Variants in JADE1 observed in about 807,000 individuals in gnomAD.
JADE1 encodes jade family PHD finger 1.
JADE1 carries 14 observed loss-of-function variants against 81.8 expected under a neutral mutation model. The ratio of observed to expected loss-of-function variants is 0.17; its 90% CI spans 0.11 to 0.27. JADE1 has a LOEUF of 0.27. JADE1 is among the 10% of genes least tolerant of loss of function. JADE1 has a pLI of 1.00. For missense variants in JADE1, 690 were observed against 1,047.9 expected (o/e 0.66, Z 4.71); for synonymous variants, 353 against 391.9 (o/e 0.90, Z 1.17).
intron 1 of JADE1, among the ~76,000 whole-genome samples, chr4:128,821,118 A>AC (rs1356717002): frequency 6.6e-6 from 1 of 152,158 alleles, no homozygotes; most frequent in African/African-American, 2.4e-5. Context: ...TGGTTCAGAG[A>AC]CCCCCAAGGC....
chr4:128,847,291 G>A (rs993523623), intron 4 of JADE1, among the ~76,000 whole-genome samples: 4 of 152,222 alleles, frequency 2.6e-5, no homozygotes, highest in African/African-American at 7.2e-5. Context: ...GCTGCTTTGC[G>A]AAATAGTGTC....
intron 8 of JADE1, among the ~76,000 whole-genome samples, chr4:128,860,365 G>T (rs1446839052): frequency 6.6e-6 from 1 of 152,202 alleles, no homozygotes; most frequent in Non-Finnish European, 1.5e-5. Context: ...CTCAGTAAAA[G>T]AGACCTCATA....
At chr4:128,820,793 A>C (rs951506321) in intron 1 of JADE1, among the ~76,000 whole-genome samples, 7 of 152,178 alleles carry the variant, frequency 4.6e-5, no homozygotes, top group Non-Finnish European at 8.8e-5. Context: ...AAAGTTCCTG[A>C]AAAACAGCTG....
At chr4:128,858,847 A>T (rs1731029306) in intron 8 of JADE1, among the ~76,000 whole-genome samples, 1 of 152,054 alleles carries the variant, frequency 6.6e-6, no homozygotes, top group Admixed American at 6.6e-5. Context: ...TGACCTCGTG[A>T]TCCACCCACC....
At chr4:128,820,580 G>T (rs951503535) in intron 1 of JADE1, among the ~76,000 whole-genome samples, 2 of 152,116 alleles carry the variant, frequency 1.3e-5, no homozygotes, top group African/African-American at 4.8e-5. Context: ...TTGTACAATT[G>T]TGATGAAACG....
chr4:128,822,834 CA>C (rs1158820855), intron 1 of JADE1, among the ~76,000 whole-genome samples: 1 of 152,162 alleles, frequency 6.6e-6, no homozygotes, highest in African/African-American at 2.4e-5. Flanking sequence ...CCACTATGAA[CA>C]TTTATATTCT....
intron 1 of JADE1, chr4:128,811,826 GC>G (rs1216544249): frequency 6.6e-6 from 1 of 152,020 alleles, no homozygotes; most frequent in East Asian, 1.9e-4. Flanking sequence ...TCGCCGGATG[GC>G]TTCCTGTGAC....
rs541926421 is a variant in JADE1, at chr4:128,858,689, G to A, written c.981+1235G>A. On this transcript the variant is annotated intron_variant, in intron 8 of 10. Transcript: ENST00000226319. ...ATCATCTCGGCTCACTGCAACCTCC[G>A]CCTCCCGGGTTCAGGCGATTCTCCT... Among the ~76,000 whole-genome samples the A allele has an allele frequency of 3.7e-4, 56 of 149,834 alleles. 1 individual carries two copies. Among genetic ancestry groups the A allele is most frequent in the African/African-American group, 1.2e-3 (49 of 40,622 alleles).
At position 128,862,894 on chromosome 4, in the gene JADE1, CTGTG is replaced by C. The variant is rs3069699; in HGVS notation, c.1503+686_1503+689del. 6.0e-3 allele frequency: 5,740 copies of C among 962,842 alleles called. 236 individuals are homozygous for C. The African/African-American group carries it at 0.094, about 16-fold the overall frequency. 59.6% of individuals were successfully genotyped at this position (962,842 alleles called of 1,614,324 possible). On this transcript the variant is annotated intron_variant, in intron 9 of 10. Transcript: ENST00000226319. ...GTGAGGTGCTAAGTCATCACTGAGG[CTGTG>C]TGTGTGTGTGTGTGTGCGCGTGCCC...
At chr4:128,849,587 T>A (rs1379634096) in intron 5 of JADE1, among the ~76,000 whole-genome samples, 1 of 152,192 alleles carries the variant, frequency 6.6e-6, no homozygotes, top group Non-Finnish European at 1.5e-5. Flanking sequence ...CCAGGCATGC[T>A]CCCCATTTCC....
At chr4:128,867,663 C>A (rs1345794330) in intron 9 of JADE1, among the ~76,000 whole-genome samples, 193 bp from the exon 10 acceptor site, 3 of 152,062 alleles carry the variant, frequency 2.0e-5, no homozygotes, top group Non-Finnish European at 4.4e-5. Context: ...ATGTTGAGGG[C>A]TATATGTGGA....
chr4:128,855,916 C>T (rs1730756796), intron 7 of JADE1, 119 bp downstream of exon 7: 3 of 762,232 alleles, frequency 3.9e-6, no homozygotes, highest in Admixed American at 6.4e-5. Flanking sequence ...ACCTGCTGGG[C>T]TCAAGTGATC....
chr4:128,837,251 G>A (rs776568458), intron 2 of JADE1, among the ~76,000 whole-genome samples: 14 of 152,158 alleles, frequency 9.2e-5, no homozygotes, highest in Admixed American at 3.3e-4. Flanking sequence ...GATAAGGAAT[G>A]GGCAGAAAGG....
intron 9 of JADE1, chr4:128,862,929 C>T: frequency 1.0e-6 from 1 of 986,098 alleles, no homozygotes; most frequent in Admixed American, 6.1e-5. Flanking sequence ...TGCCCGTGTC[C>T]ATCCATGTCT....
Position 128,864,587 on chromosome 4 carries a change from T to C in JADE1, c.1503+2362T>C, listed in dbSNP as rs541914606. ...GTTATTTGTAATTATAAACAGTAAG[T>C]GTATCAGGGCAGGGGTGACAATAAA... is the stretch of plus-strand genomic sequence containing the variant. On this transcript the variant is annotated intron_variant, in intron 9 of 10. Coordinates refer to ENST00000226319, the MANE Select transcript of JADE1 (RefSeq NM_199320.4). 17 of 985,410 alleles carry C rather than the reference T, an allele frequency of 1.7e-5. No individual in the cohort carries two copies. The East Asian group carries it at 1.8e-3, about 105-fold the overall frequency. The allele number at this position is 985,410 out of a possible 1,614,324, so 61.0% of individuals were successfully genotyped here. A position where few individuals can be genotyped will look rare whatever the true frequency, so the allele number is the denominator to read the frequency against.
chr4:128,871,747 G>T lies in JADE1; in HGVS notation c.2014G>T (p.Asp672Tyr). The T allele has an allele frequency of 6.2e-7, 1 of 1,614,128 alleles. No individual in the cohort carries two copies. Among genetic ancestry groups the T allele is most frequent in the South Asian group, 1.1e-5 (1 of 91,050 alleles). The change falls in exon 11 of 11, where the codon GAC (aspartate) becomes TAC (tyrosine). Residue 672 changes from aspartate to tyrosine, a missense_variant. This residue lies in a region of JADE1 where 218 missense variants were observed against 274.3 expected (regional missense o/e 0.79). Transcript: ENST00000226319. The surrounding 1 kb of genome is among the most constrained non-coding windows in gnomAD (Gnocchi z 4.1). ...NRFHCDLIKG[D>Y]LKDKSFKQSH... Reference sequence around the variant, plus strand: ...TTTTCATTGTGATCTCATTAAAGGAGACTTAAAGGACAAATCTTTTAAACA... The same window carrying T: ...TTTTCATTGTGATCTCATTAAAGGATACTTAAAGGACAAATCTTTTAAACA...
At chr4:128,824,554 C>T (rs913710249) in intron 1 of JADE1, among the ~76,000 whole-genome samples, 1 of 152,100 alleles carries the variant, frequency 6.6e-6, no homozygotes, top group African/African-American at 2.4e-5. Flanking sequence ...GGAAGGGCAT[C>T]AATAAATTTA....
chr4:128,874,043 A>T lies in JADE1; in HGVS notation c.*1781A>T, dbSNP rs1019538041. ...ATGATGCAGGTTTTTAGATTGACTG[A>T]CTATTTTTGAGTTATGGGGCTCATT... On this transcript the variant is annotated 3_prime_UTR_variant, in exon 11 of 11. Coordinates refer to ENST00000226319, the MANE Select transcript of JADE1 (RefSeq NM_199320.4). The T allele has an allele frequency of 5.2e-5, 8 of 152,616 alleles. No homozygotes were observed. The highest frequency in any genetic ancestry group is 1.9e-4 in the African/African-American group (8 of 41,452). 9.5% of individuals were successfully genotyped at this position (152,616 alleles called of 1,614,324 possible).
chr4:128,839,657 CTTTTT>C lies in JADE1; in HGVS notation c.53-3290_53-3286del, dbSNP rs67592201. On this transcript the variant is annotated intron_variant, in intron 2 of 10. Coordinates refer to ENST00000226319, the MANE Select transcript of JADE1 (RefSeq NM_199320.4). ...TAAATGGAATAATACAATATGGACTCTTTTTTTTTTGGTCTGGCTTCTTTCACTCA... is the reference window on the plus strand; with the variant it reads ...TAAATGGAATAATACAATATGGACTCTTTTTGGTCTGGCTTCTTTCACTCA... Among the ~76,000 whole-genome samples the C allele has an allele frequency of 2.7e-5, 4 of 148,116 alleles. No individual in the cohort carries two copies. The South Asian group carries it at 6.4e-4, about 24-fold the overall frequency.
Sources: allele counts gnomAD v4.1 joint callset (sites outside exome capture counted in the v4.1 genomes callset), GRCh38; gene constraint gnomAD v4.1.1; regional missense constraint gnomAD v4.1.1; non-coding constraint Gnocchi (gnomAD v3.1); transcripts MANE v1.5; gene names NCBI Gene and HGNC (gene_info 2026-07-23, HGNC 2026-07-21).